Variants in FBXO34 observed in about 807,000 individuals in gnomAD.
FBXO34 encodes the protein F-box only protein 34.
FBXO34 carries 12 observed loss-of-function variants against 24.5 expected under a neutral mutation model. The observed-to-expected ratio is 0.49, with a 90% CI of 0.31 to 0.79. The LOEUF (loss-of-function observed/expected upper bound fraction) is 0.79, where lower values mean the gene tolerates loss of function less well. Among genes scored for constraint, FBXO34 ranks in the 30% least tolerant of loss-of-function variants. The probability of loss-of-function intolerance (pLI) is 0.04; values close to 1 mark genes in which losing one functional copy is unlikely to be tolerated. For synonymous variants in FBXO34, 320 were observed against 311.9 expected, an observed-to-expected ratio of 1.03 and a Z score of -0.27; for missense variants, 823 against 857.7, an observed-to-expected ratio of 0.96 and a Z score of 0.51.
At chr14:55,435,518 C>A in the FBXO34 span, among the ~76,000 whole-genome samples, 1 of 152,114 alleles carries the variant, frequency 6.6e-6, no homozygotes, top group South Asian at 2.1e-4. Context: ...TCGTGATCCA[C>A]CTGCCTCAGC....
chr14:55,331,566 C>T (rs1038289796), intron 1 of FBXO34, among the ~76,000 whole-genome samples: 2 of 142,798 alleles, frequency 1.4e-5, no homozygotes, highest in Non-Finnish European at 3.0e-5. Context: ...TATATACACA[C>T]ACACACATAC....
At chr14:55,425,741 A>T in the FBXO34 span, among the ~76,000 whole-genome samples, 2 of 152,268 alleles carry the variant, frequency 1.3e-5, no homozygotes, top group Non-Finnish European at 2.9e-5. Context: ...CCCCAATTAC[A>T]TTAAAGACCC....
chr14:55,418,165 G>A, the FBXO34 span, among the ~76,000 whole-genome samples: 1 of 152,156 alleles, frequency 6.6e-6, no homozygotes, highest in Non-Finnish European at 1.5e-5. Flanking sequence ...CCAGCAACAT[G>A]TAATTTATTT....
At chr14:55,427,876 A>G in the FBXO34 span, among the ~76,000 whole-genome samples, 2 of 142,346 alleles carry the variant, frequency 1.4e-5, no homozygotes, top group Admixed American at 1.4e-4. Context: ...ACTAGTTAGG[A>G]TTGCTTTTTT....
the FBXO34 span, among the ~76,000 whole-genome samples, chr14:55,401,574 G>T: frequency 9.2e-5 from 14 of 151,970 alleles, no homozygotes; most frequent in African/African-American, 3.4e-4. Context: ...GATTTGGGTT[G>T]TTCCCCCCTA....
At chr14:55,290,491 A>G (rs1349120392) in intron 1 of FBXO34, among the ~76,000 whole-genome samples, 1 of 152,186 alleles carries the variant, frequency 6.6e-6, no homozygotes, top group East Asian at 1.9e-4. Context: ...CAGTGAGGTC[A>G]TCACCCCCTA....
downstream of FBXO34, chr14:55,369,676 G>C: frequency 6.3e-7 from 1 of 1,581,940 alleles, no homozygotes. Context: ...CTGCAGAGGA[G>C]ATCATCCCAC....
intron 1 of FBXO34, among the ~76,000 whole-genome samples, chr14:55,327,797 CT>C (rs2140038808): frequency 6.6e-6 from 1 of 151,532 alleles, no homozygotes; most frequent in African/African-American, 2.4e-5. Context: ...GTGCCAAACC[CT>C]ATATATATTG....
chr14:55,385,289 G>C, the FBXO34 span, among the ~76,000 whole-genome samples: 3 of 151,212 alleles, frequency 2.0e-5, no homozygotes, highest in Non-Finnish European at 3.0e-5. Context: ...TGGTTCTCTG[G>C]TTTTTTTTTG....
At position 55,331,801 on chromosome 14, in the gene FBXO34, T is replaced by A. The variant is rs182657481; in HGVS notation, c.-10-18580T>A. ...TATACCACCATGGTGTATATATAAA[T>A]ATATATATATATACACCACCGGGGT... On this transcript the variant is annotated intron_variant, in intron 1 of 1. Coordinates refer to ENST00000313833, the MANE Select transcript of FBXO34 (RefSeq NM_017943.4). Among the ~76,000 whole-genome samples the A allele has an allele frequency of 5.4e-4, 38 of 70,184 alleles. 7 individuals are homozygous for A. The highest frequency in any genetic ancestry group is 9.6e-4 in the African/African-American group (16 of 16,590). 46.0% of individuals were successfully genotyped at this position (70,184 alleles called of 152,430 possible).
the FBXO34 span, among the ~76,000 whole-genome samples, chr14:55,430,040 T>C: frequency 6.6e-6 from 1 of 152,130 alleles, no homozygotes. Context: ...TGTGGCTATG[T>C]CCTTTAAGTG....
intron 1 of FBXO34, among the ~76,000 whole-genome samples, chr14:55,288,931 A>T (rs1171913116): frequency 2.0e-5 from 3 of 152,148 alleles, no homozygotes; most frequent in African/African-American, 2.4e-5. Context: ...CATGCCTGTA[A>T]TCCCAGTTAC....
intron 1 of FBXO34, among the ~76,000 whole-genome samples, chr14:55,302,446 C>CTTTTTTTT (rs199946477): frequency 7.7e-6 from 1 of 129,662 alleles, no homozygotes; most frequent in Non-Finnish European, 1.6e-5. Context: ...TCTGTAGCCT[C>CTTTTTTTT]TTTTTTGTTT....
chr14:55,402,970 A>ATAT, the FBXO34 span, among the ~76,000 whole-genome samples: 85 of 69,470 alleles, frequency 1.2e-3, 1 homozygote, highest in Non-Finnish European at 2.2e-3. Flanking sequence ...TATATATATA[A>ATAT]ATAGCTGGGC....
chr14:55,425,197 T>C, the FBXO34 span, among the ~76,000 whole-genome samples: 482 of 152,274 alleles, frequency 3.2e-3, 2 homozygotes, highest in Middle Eastern at 0.02. Flanking sequence ...TAGGAGGTCA[T>C]TGTGGGTGGA....
chr14:55,332,266 G>A (rs750051765), intron 1 of FBXO34, among the ~76,000 whole-genome samples: 17 of 151,884 alleles, frequency 1.1e-4, no homozygotes, highest in African/African-American at 2.9e-4. Flanking sequence ...GTAAATGCAC[G>A]AGCTCTAAAG....
intron 1 of FBXO34, among the ~76,000 whole-genome samples, chr14:55,324,781 A>C (rs568432866): frequency 1.9e-4 from 29 of 152,324 alleles, no homozygotes; most frequent in South Asian, 1.0e-3. Context: ...AATTTTTATC[A>C]GGAATAAGTG....
chr14:55,382,301 AT>A, the FBXO34 span: 1 of 848,316 alleles, frequency 1.2e-6, no homozygotes, highest in Non-Finnish European at 1.8e-6. Context: ...GAGCACAGAA[AT>A]TTTACATTAA....
chr14:55,423,668 G>T, the FBXO34 span, among the ~76,000 whole-genome samples: 4 of 152,272 alleles, frequency 2.6e-5, no homozygotes, highest in Admixed American at 2.6e-4. Flanking sequence ...ATTATGTCAC[G>T]ATATGAAATT....
Sources: gnomAD v4.1 joint callset for allele counts (sites outside exome capture counted in the v4.1 genomes callset) on GRCh38, gnomAD v4.1.1 for gene constraint, MANE v1.5 for transcripts, NCBI Gene and HGNC (gene_info 2026-07-23, HGNC 2026-07-21) for gene names.